Variants in OTOG observed in about 807,000 individuals in gnomAD.
The protein encoded by OTOG is otogelin.
OTOG carries 296 observed loss-of-function variants against 313.8 expected under a neutral mutation model. That is an observed-to-expected ratio of 0.94 (90% confidence interval 0.86 to 1.04). The LOEUF (loss-of-function observed/expected upper bound fraction) is 1.04. Among genes scored for constraint, OTOG ranks in the 50% least tolerant of loss-of-function variants. The probability of loss-of-function intolerance (pLI) is 0.00; values close to 1 mark genes in which losing one functional copy is unlikely to be tolerated. For synonymous variants in OTOG, 1,533 were observed against 1,554.9 expected (o/e 0.99, Z 0.33); for missense variants, 3,948 against 3,840.1 (o/e 1.03, Z -0.74).
rs1203276573 is a variant in OTOG at position 17,605,934 on chromosome 11, C to G, written c.3955C>G (p.Leu1319Val). 1.3e-6 allele frequency: 2 copies of G among 1,550,532 alleles called. No individual in the cohort carries two copies. The highest frequency in any genetic ancestry group is 1.7e-6 in the Non-Finnish European group (2 of 1,147,006). The change falls in exon 33 of 56, where the codon CTG becomes GTG. Residue 1319 changes from leucine (L) to valine (V), a missense_variant. By Grantham distance (32) the Leu-to-Val change is conservative. Transcript: ENST00000399397. ...CGTCACAGCCAACGGGTCTCTGGAG[C>G]TGGCTAAGTGGCAGGGCCGTGACAC... is the stretch of plus-strand genomic sequence containing the variant. ...LHVTANGSLELAKWQGRDTFQ... is the reference protein window; with the variant it reads ...LHVTANGSLEVAKWQGRDTFQ...
chr11:17,645,541 G>T, intron 54 of OTOG, 23 bp from the exon 55 acceptor site: 3 of 1,548,936 alleles, frequency 1.9e-6, no homozygotes, highest in South Asian at 1.2e-5. Flanking sequence ...GGCCACAGCT[G>T]CCTCATCCCC....
Position 17,613,346 on chromosome 11 carries a change from TTCCTTCCTTCCTTCCTTCCTTCCTTCCC to T in OTOG, c.6439-240_6439-213del, listed in dbSNP as rs1243145253. On this transcript the variant is annotated intron_variant, in intron 38 of 55. Coordinates refer to ENST00000399397, the MANE Select transcript of OTOG (RefSeq NM_001292063.2). ...GCCCTGCCCTTCCTTCCTTCCTTCCTTCCTTCCTTCCTTCCTTCCTTCCTTCCCTCCTTCCTTCCTTCCTTCCTTCCTT... is the reference window on the plus strand; with the variant it reads ...GCCCTGCCCTTCCTTCCTTCCTTCCTTCCTTCCTTCCTTCCTTCCTTCCTT... Among the ~76,000 whole-genome samples the T allele has an allele frequency of 0.12, 15,968 of 128,762 alleles. 1,365 individuals are homozygous for T. Among genetic ancestry groups the T allele is most frequent in the Non-Finnish European group, 0.18 (11,277 of 62,780 alleles). The allele number at this position is 128,762 out of a possible 152,430, so 84.5% of individuals were successfully genotyped here.
intron 28 of OTOG, among the ~76,000 whole-genome samples, chr11:17,594,722 T>G (rs558447381): frequency 6.6e-6 from 1 of 152,144 alleles, no homozygotes; most frequent in Non-Finnish European, 1.5e-5. Context: ...CTGTGAGCTG[T>G]GGGGGAAACA....
chr11:17,558,681 A>G, intron 10 of OTOG, 37 bp downstream of exon 10: 1 of 1,530,394 alleles, frequency 6.5e-7, no homozygotes, highest in Non-Finnish European at 8.8e-7. Context: ...GGAACCCTCT[A>G]GTATTGGGGT....
In OTOG at chr11:17,610,744, C is replaced by T; in HGVS notation, c.5444C>T (p.Thr1815Ile). The T allele has an allele frequency of 1.3e-6, 2 of 1,550,038 alleles. No homozygotes were observed. Among genetic ancestry groups the T allele is most frequent in the East Asian group, 2.4e-5 (1 of 40,916 alleles). ...DTSLPLAKVG[T>I]SAPVATPGPK... ...AGCCTGCCCCTGGCCAAGGTGGGCA[C>T]ATCTGCCCCAGTGGCCACACCCGGC... The change falls in exon 36 of 56, where the codon ACA (threonine) becomes ATA (isoleucine). Residue 1815 changes from threonine to isoleucine, a missense_variant. By Grantham distance (89) the Thr-to-Ile change is moderately conservative (BLOSUM62 -1). Coordinates refer to ENST00000399397, the MANE Select transcript of OTOG (RefSeq NM_001292063.2).
Position 17,612,341 on chromosome 11 carries a change from G to A in OTOG, c.6292+11G>A. On this transcript the variant is annotated intron_variant, in intron 37 of 55. Coordinates refer to ENST00000399397, the MANE Select transcript of OTOG (RefSeq NM_001292063.2). ...TCTGGGAGTGTGCCTGTGAGTCATG[G>A]GATCAGCGGAGCCTCCTGCATCCTC... The A allele has an allele frequency of 2.0e-6, 3 of 1,519,542 alleles. No homozygotes were observed. Among genetic ancestry groups the A allele is most frequent in the East Asian group, 4.9e-5 (2 of 40,624 alleles). The allele number at this position is 1,519,542 out of a possible 1,614,324, so 94.1% of individuals were successfully genotyped here. A position where few individuals can be genotyped will look rare whatever the true frequency, so the allele number is the denominator to read the frequency against.
chr11:17,555,315 G>A (rs1222810858), intron 6 of OTOG, among the ~76,000 whole-genome samples: 6 of 152,104 alleles, frequency 3.9e-5, no homozygotes, highest in Non-Finnish European at 7.3e-5. Flanking sequence ...CATGGGGGAA[G>A]GGGAGTGTGT....
intron 39 of OTOG, among the ~76,000 whole-genome samples, chr11:17,617,208 G>T (rs1306003633): frequency 1.3e-5 from 2 of 152,056 alleles, no homozygotes; most frequent in African/African-American, 4.8e-5. Context: ...TACTTCATTT[G>T]TTATATTATC....
chr11:17,548,656 C>A (rs1030021237), intron 3 of OTOG, among the ~76,000 whole-genome samples: 1 of 151,998 alleles, frequency 6.6e-6, no homozygotes, highest in Non-Finnish European at 1.5e-5. Context: ...AACTAGGCCA[C>A]CTGGTGGAAG....
chr11:17,552,481 CCTAGGT>C, intron 4 of OTOG, among the ~76,000 whole-genome samples: 1 of 61,396 alleles, frequency 1.6e-5, no homozygotes, highest in Non-Finnish European at 3.3e-5. Flanking sequence ...CCTCACCTGT[CCTAGGT>C]CTGTGGCCTC....
At chr11:17,597,132 T>C in intron 30 of OTOG, 125 bp downstream of exon 30, 1 of 1,231,890 alleles carries the variant, frequency 8.1e-7, no homozygotes. Flanking sequence ...ACCAACTGCT[T>C]TGGGCGTGTT....
chr11:17,638,775 C>T (rs1847907077), intron 48 of OTOG: 1 of 1,527,264 alleles, frequency 6.5e-7, no homozygotes, highest in South Asian at 1.2e-5. Flanking sequence ...AGCAAGTTTC[C>T]CATTCCAAAG....
intron 20 of OTOG, 88 bp from the exon 21 acceptor site, chr11:17,576,468 G>A (rs1852528362): frequency 6.9e-6 from 7 of 1,013,414 alleles, no homozygotes; most frequent in African/African-American, 4.8e-5. Flanking sequence ...TATGCACCTG[G>A]TTGGCTGAGG....
chr11:17,547,279 G>GGCT lies in OTOG; in HGVS notation c.-91_-89dup. The GGCT allele has an allele frequency of 9.3e-7, 1 of 1,073,330 alleles. No individual in the cohort carries two copies. The highest frequency in any genetic ancestry group is 1.2e-6 in the Non-Finnish European group (1 of 830,696). 66.5% of individuals were successfully genotyped at this position (1,073,330 alleles called of 1,614,324 possible). A position where few individuals can be genotyped will look rare whatever the true frequency, so the allele number is the denominator to read the frequency against. ...GGGGCATGAGAACAAGAGGGACCTC[G>GGCT]GCTGCGGAGTGGAGGTGTGACCCTG... On this transcript the variant is annotated 5_prime_UTR_variant, in exon 1 of 56. Coordinates refer to ENST00000399397, the MANE Select transcript of OTOG (RefSeq NM_001292063.2).
chr11:17,610,026 A>G lies in OTOG; in HGVS notation c.4726A>G (p.Thr1576Ala), dbSNP rs531217323. 1.8e-4 allele frequency: 279 copies of G among 1,548,026 alleles called. No homozygotes were observed. Among genetic ancestry groups the G allele is most frequent in the Non-Finnish European group, 2.3e-4 (266 of 1,145,080 alleles). Residue 1576 changes from threonine (T) to alanine (A), a missense_variant, in exon 36 of 56, where the codon ACA becomes GCA. Thr to Ala is a moderately conservative substitution (Grantham distance 58, BLOSUM62 0). Coordinates refer to ENST00000399397, the MANE Select transcript of OTOG (RefSeq NM_001292063.2). ...CTCATCCCTCCCTGTTGCACTGCAG[A>G]CACCCACACCTGGCATGGTGTCAGG... ...ESSSLPVALQ[T>A]PTPGMVSGAM... is the part of the protein sequence containing the mutation.
intron 22 of OTOG, among the ~76,000 whole-genome samples, chr11:17,577,950 A>C (rs1252890735): frequency 1.3e-5 from 2 of 152,022 alleles, no homozygotes; most frequent in African/African-American, 4.8e-5. Context: ...TGCCACACTG[A>C]TTGGTCATCC....
chr11:17,614,154 C>A (rs1853667156), intron 39 of OTOG, among the ~76,000 whole-genome samples: 2 of 152,138 alleles, frequency 1.3e-5, no homozygotes, highest in Admixed American at 1.3e-4. Context: ...ACAGCCCACC[C>A]CCATATGGGC....
chr11:17,551,964 G>C (rs1197875316), intron 3 of OTOG, 36 bp from the exon 4 acceptor site: 17 of 1,541,390 alleles, frequency 1.1e-5, no homozygotes, highest in Non-Finnish European at 1.3e-5. Flanking sequence ...CCTGAGGTCA[G>C]CCCTCGATGT....
intron 40 of OTOG, among the ~76,000 whole-genome samples, chr11:17,630,377 C>T (rs190101034): frequency 6.6e-6 from 1 of 152,160 alleles, no homozygotes; most frequent in Admixed American, 6.5e-5. Context: ...CAACCCCTCC[C>T]TAGGATACCT....
Sources: gnomAD v4.1 joint callset for allele counts (sites outside exome capture counted in the v4.1 genomes callset) on GRCh38, gnomAD v4.1.1 for gene constraint, MANE v1.5 for transcripts, NCBI Gene and HGNC (gene_info 2026-07-23, HGNC 2026-07-21) for gene names.